ZCCHC24: variants seen among roughly 807,000 people sequenced by gnomAD.
The protein encoded by ZCCHC24 is zinc finger CCHC domain-containing protein 24.
Under a neutral mutation model 26.2 loss-of-function variants are expected in ZCCHC24, and 10 were observed. The ratio of observed to expected loss-of-function variants is 0.38; its 90% confidence interval spans 0.24 to 0.65. The LOEUF is 0.65. Ranked by LOEUF, ZCCHC24 falls within the 30% of genes least tolerant of loss-of-function variation. The probability of loss-of-function intolerance (pLI) is 0.54; values close to 1 mark genes in which losing one functional copy is unlikely to be tolerated. For synonymous variants in ZCCHC24, 144 were observed against 147.1 expected, an observed-to-expected ratio of 0.98 and a Z score of 0.15; for missense variants, 243 against 329.1, an observed-to-expected ratio of 0.74 and a Z score of 2.03.
At chr10:79,431,324 C>CT (rs1857124116) in intron 2 of ZCCHC24, among the ~76,000 whole-genome samples, 1 of 152,208 alleles carries the variant, frequency 6.6e-6, no homozygotes, top group African/African-American at 2.4e-5. Context: ...TCACTCTCTG[C>CT]TGGGAGCCAA....
chr10:79,395,018 A>T (rs975213648), intron 2 of ZCCHC24, among the ~76,000 whole-genome samples: 1 of 152,254 alleles, frequency 6.6e-6, no homozygotes, highest in Non-Finnish European at 1.5e-5. Context: ...AAATGGAAAC[A>T]GATTATCCAT....
At chr10:79,411,088 C>T (rs951994100) in intron 2 of ZCCHC24, among the ~76,000 whole-genome samples, 2 of 152,156 alleles carry the variant, frequency 1.3e-5, no homozygotes, top group African/African-American at 4.8e-5. Context: ...CTGGCCGTCA[C>T]TGGACAGCAG....
At chr10:79,409,076 G>C (rs1426841582) in intron 2 of ZCCHC24, 2 of 152,274 alleles carry the variant, frequency 1.3e-5, no homozygotes, top group African/African-American at 4.8e-5. Context: ...GGGGGCAGCA[G>C]GCACACATGA....
intron 2 of ZCCHC24, among the ~76,000 whole-genome samples, chr10:79,407,859 G>A (rs1856740287): frequency 6.6e-6 from 1 of 152,136 alleles, no homozygotes; most frequent in South Asian, 2.1e-4. Context: ...GGGGAGAAAG[G>A]CCCATCTCTT....
intron 1 of ZCCHC24, chr10:79,444,099 C>T (rs746637379): frequency 7.6e-5 from 118 of 1,545,084 alleles, no homozygotes; most frequent in Non-Finnish European, 1.0e-4. Context: ...TCCTAAAACT[C>T]ACCGGTGTGC....
intron 2 of ZCCHC24, among the ~76,000 whole-genome samples, chr10:79,426,119 G>A (rs1857023127): frequency 6.6e-6 from 1 of 152,218 alleles, no homozygotes; most frequent in South Asian, 2.1e-4. Flanking sequence ...TCAGTCTGAT[G>A]AGCTGAGCTC....
At position 79,441,438 on chromosome 10, in the gene ZCCHC24, C is replaced by A. The variant is rs549921099; in HGVS notation, c.246+3757G>T. Among the ~76,000 whole-genome samples the A allele has an allele frequency of 4.6e-5, 7 of 152,154 alleles. No homozygotes were observed. The South Asian group carries it at 1.5e-3, about 32-fold the overall frequency. ...TGTTCTCAAACCTCCAATGGGTAGA[C>A]CTGAGCAGCAAAGAGGAGGTTCATT... On this transcript the variant is annotated intron_variant, in intron 1 of 3. Transcript: ENST00000372336.
intron 3 of ZCCHC24, among the ~76,000 whole-genome samples, chr10:79,390,624 G>A (rs1036806600): frequency 5.3e-5 from 8 of 152,234 alleles, no homozygotes; most frequent in Admixed American, 2.0e-4. Context: ...GCCACTGGGC[G>A]AGGAGCCTGG....
chr10:79,432,479 C>T (rs958582265), intron 2 of ZCCHC24, 79 bp downstream of exon 2: 6 of 1,456,566 alleles, frequency 4.1e-6, no homozygotes, highest in South Asian at 1.3e-5. Flanking sequence ...GACACTGCTT[C>T]GCCTGCCCTA....
At chr10:79,399,879 T>C (rs1856607876) in intron 2 of ZCCHC24, among the ~76,000 whole-genome samples, 1 of 152,144 alleles carries the variant, frequency 6.6e-6, no homozygotes, top group Non-Finnish European at 1.5e-5. Context: ...CTGCGTGAAA[T>C]CTCTTGAGGT....
rs180932179 is a variant in ZCCHC24, at chr10:79,397,993, G to A, written c.448-3553C>T. 1.7e-3 allele frequency among the ~76,000 whole-genome samples: 254 copies of A among 152,332 alleles called. 1 individual carries two copies. Among genetic ancestry groups the A allele is most frequent in the Middle Eastern group, 6.8e-3 (2 of 294 alleles). On this transcript the variant is annotated intron_variant, in intron 2 of 3. Coordinates refer to ENST00000372336, the MANE Select transcript of ZCCHC24 (RefSeq NM_153367.4). ...GAACAGGAAGATGAAAGAGAAGAGC[G>A]AGGGGTGAGCCAGGAAGCACAGACG...
At chr10:79,434,913 C>T (rs572091915) in intron 1 of ZCCHC24, among the ~76,000 whole-genome samples, 1 of 152,270 alleles carries the variant, frequency 6.6e-6, no homozygotes, top group East Asian at 1.9e-4. Context: ...GCAGCCCAAT[C>T]TGTATTTTTC....
intron 2 of ZCCHC24, 119 bp from the exon 3 acceptor site, chr10:79,394,559 T>C: frequency 6.8e-7 from 1 of 1,477,478 alleles, no homozygotes; most frequent in Non-Finnish European, 8.9e-7. Context: ...GCAGGCACCT[T>C]TTGTCCCCAG....
chr10:79,439,525 A>G (rs1279597089), intron 1 of ZCCHC24, among the ~76,000 whole-genome samples: 2 of 152,232 alleles, frequency 1.3e-5, no homozygotes, highest in Non-Finnish European at 2.9e-5. Flanking sequence ...TGCCAGGACT[A>G]CTAAGTAGAA....
intron 1 of ZCCHC24, among the ~76,000 whole-genome samples, chr10:79,435,716 C>T (rs140266417): frequency 0.015 from 2,293 of 152,366 alleles, 28 homozygotes; most frequent in Non-Finnish European, 0.024. Flanking sequence ...GGCACAGGGA[C>T]GCAGACCAGG....
chr10:79,396,707 T>C lies in ZCCHC24; in HGVS notation c.448-2267A>G, dbSNP rs137893225. Reference sequence around the variant, plus strand: ...TAACAAGAGCCCCAGAGAATTCATATGCCATTACGTTAAAGAAGTGCTGGG... The same window carrying C: ...TAACAAGAGCCCCAGAGAATTCATACGCCATTACGTTAAAGAAGTGCTGGG... On this transcript the variant is annotated intron_variant, in intron 2 of 3. Transcript: ENST00000372336. Among the ~76,000 whole-genome samples the C allele has an allele frequency of 2.3e-3, 351 of 152,352 alleles. 3 individuals carry two copies. The highest frequency in any genetic ancestry group is 9.7e-3 in the South Asian group (47 of 4,832).
At chr10:79,410,629 G>A (rs1483085685) in intron 2 of ZCCHC24, among the ~76,000 whole-genome samples, 1 of 152,216 alleles carries the variant, frequency 6.6e-6, no homozygotes, top group Non-Finnish European at 1.5e-5. Flanking sequence ...CCATATCTTA[G>A]AGTTAAATAT....
At chr10:79,411,618 T>C (rs1049377480) in intron 2 of ZCCHC24, among the ~76,000 whole-genome samples, 1 of 152,168 alleles carries the variant, frequency 6.6e-6, no homozygotes, top group African/African-American at 2.4e-5. Flanking sequence ...CAAAGTCTCA[T>C]TCCACTGCCC....
chr10:79,424,874 C>T (rs1345982604), intron 2 of ZCCHC24, among the ~76,000 whole-genome samples: 3 of 152,222 alleles, frequency 2.0e-5, no homozygotes, highest in Non-Finnish European at 2.9e-5. Context: ...CTCCTCCTCT[C>T]TGAGGCCTCC....
Sources: allele counts gnomAD v4.1 joint callset (sites outside exome capture counted in the v4.1 genomes callset), GRCh38; gene constraint gnomAD v4.1.1; transcripts MANE v1.5; gene names NCBI Gene and HGNC (gene_info 2026-07-23, HGNC 2026-07-21).